Variants in NAV1 observed in about 807,000 individuals in gnomAD.
NAV1 encodes neuron navigator 1.
In NAV1, 18 loss-of-function variants were observed where a neutral mutation model predicts 175.2. That is an observed-to-expected ratio of 0.10 (90% CI 0.07 to 0.15). The LOEUF (loss-of-function observed/expected upper bound fraction) is 0.15, where lower values mean the gene tolerates loss of function less well. Ranked by LOEUF, NAV1 falls within the 10% of genes least tolerant of loss-of-function variation. The pLI is 1.00. For missense variants in NAV1, 1,731 were observed against 2,436.6 expected (o/e 0.71, Z 6.10); for synonymous variants, 897 against 978.7 (o/e 0.92, Z 1.56).
chr1:201,790,696 G>A (rs753418926), exon 13 of NAV1: 24 of 1,613,874 alleles, frequency 1.5e-5, no homozygotes, highest in East Asian at 4.5e-5. Flanking sequence ...CAGCAAATCC[G>A]GAAGCTTCGT....
At chr1:201,676,979 C>T (rs757317467) in intron 1 of NAV1, among the ~76,000 whole-genome samples, 2 of 152,050 alleles carry the variant, frequency 1.3e-5, no homozygotes, top group South Asian at 2.1e-4. Context: ...TGGTTGGGCG[C>T]GGTGGCTCAT....
chr1:201,656,843 C>T (rs561629107), intron 1 of NAV1, among the ~76,000 whole-genome samples: 74 of 152,302 alleles, frequency 4.9e-4, no homozygotes, highest in Non-Finnish European at 7.6e-4. Context: ...AGGCAGAGCC[C>T]GCTGGGGTTT....
intron 1 of NAV1, among the ~76,000 whole-genome samples, chr1:201,693,230 A>T (rs1450161799): frequency 6.6e-6 from 1 of 152,230 alleles, no homozygotes; most frequent in Non-Finnish European, 1.5e-5. Context: ...CTGAAGGCAG[A>T]TGGATGTGTA....
intron 28 of NAV1, among the ~76,000 whole-genome samples, chr1:201,814,586 G>A (rs1678904705): frequency 6.6e-6 from 1 of 151,906 alleles, no homozygotes; most frequent in Non-Finnish European, 1.5e-5. Context: ...GATATCTCCT[G>A]GTGATATAGT....
At chr1:201,604,717 A>G (rs77073128) in intron 2 of NAV1, among the ~76,000 whole-genome samples, 2,492 of 146,174 alleles carry the variant, frequency 0.017, 72 homozygotes, top group African/African-American at 0.058. Flanking sequence ...AAGAGAAAGG[A>G]AAGAAAGAGA....
In NAV1 at chr1:201,789,735, T is replaced by G. The variant is rs1403956341; in HGVS notation, c.3167-5T>G. The G allele has an allele frequency of 6.2e-7, 1 of 1,614,074 alleles. No individual in the cohort carries two copies. The highest frequency in any genetic ancestry group is 8.5e-7 in the Non-Finnish European group (1 of 1,179,948). Reference sequence around the variant, plus strand: ...TTAACTCTTTGTGTTCTCCTTCTCTTTCAGTTCACGGCTCAGTGCTGTCCC... The same window carrying G: ...TTAACTCTTTGTGTTCTCCTTCTCTGTCAGTTCACGGCTCAGTGCTGTCCC... On this transcript the variant is annotated splice_region_variant and splice_polypyrimidine_tract_variant and intron_variant, in intron 10 of 29. Transcript: ENST00000367296.
intron 3 of NAV1, among the ~76,000 whole-genome samples, chr1:201,755,968 G>A (rs1015919813): frequency 8.6e-5 from 13 of 151,966 alleles, no homozygotes; most frequent in African/African-American, 2.4e-4. Context: ...TTAGCTGGGC[G>A]TGGTGGTGCA....
At chr1:201,616,124 A>G (rs1168324689) in intron 2 of NAV1, among the ~76,000 whole-genome samples, 4 of 152,290 alleles carry the variant, frequency 2.6e-5, no homozygotes, top group African/African-American at 7.2e-5. Context: ...CTTCACAGCA[A>G]TCCTATGAGT....
At chr1:201,676,324 G>A (rs543590079) in intron 1 of NAV1, among the ~76,000 whole-genome samples, 1 of 152,304 alleles carries the variant, frequency 6.6e-6, no homozygotes, top group Non-Finnish European at 1.5e-5. Flanking sequence ...ACTTATTTCA[G>A]CCAGGCTGGG....
chr1:201,620,793 A>T (rs1026112711), upstream of NAV1, among the ~76,000 whole-genome samples: 2 of 151,660 alleles, frequency 1.3e-5, no homozygotes, highest in African/African-American at 4.8e-5. Context: ...TCTTACCAAC[A>T]CTGGATATTT....
chr1:201,758,544 A>G (rs898422511), intron 3 of NAV1, among the ~76,000 whole-genome samples: 7 of 152,148 alleles, frequency 4.6e-5, no homozygotes, highest in Admixed American at 4.6e-4. Flanking sequence ...TTTCTTTTTC[A>G]CAATTCTAAA....
At chr1:201,795,666 T>C (rs1044239360) in intron 15 of NAV1, 2 of 152,088 alleles carry the variant, frequency 1.3e-5, no homozygotes, top group African/African-American at 4.8e-5. Flanking sequence ...TCACCATCAT[T>C]CTACCAAAAA....
intron 1 of NAV1, among the ~76,000 whole-genome samples, chr1:201,550,369 G>A (rs1454732436): frequency 2.0e-5 from 3 of 152,070 alleles, no homozygotes; most frequent in Admixed American, 6.5e-5. Context: ...ATGGGGTCTC[G>A]CTATGTTGCC....
At chr1:201,542,811 C>G (rs538257228) in intron 1 of NAV1, among the ~76,000 whole-genome samples, 2 of 152,328 alleles carry the variant, frequency 1.3e-5, no homozygotes, top group South Asian at 4.1e-4. Context: ...TGCCAAGGAC[C>G]GTTACTAACA....
intron 1 of NAV1, among the ~76,000 whole-genome samples, chr1:201,587,322 ACT>A (rs751956386): frequency 4.6e-5 from 7 of 152,320 alleles, no homozygotes; most frequent in South Asian, 2.1e-4. Context: ...AAAGTGAATA[ACT>A]CAACTCAAAT....
rs868785824 is a variant in NAV1, at chr1:201,539,176, A to T, written c.-310A>T. Among the ~76,000 whole-genome samples the T allele has an allele frequency of 3.9e-5, 6 of 152,128 alleles. No individual in the cohort carries two copies. Among genetic ancestry groups the T allele is most frequent in the Non-Finnish European group, 5.9e-5 (4 of 67,992 alleles). ...GCCCTAGTGCGGGGCCCGAGGCTGG[A>T]GTGCGCGGCGGACGCCAAGCCTGGT... On this transcript the variant is annotated 5_prime_UTR_variant, in exon 1 of 34. Coordinates refer to the NAV1 transcript ENST00000685211. This position sits in a 1 kb window ranked among gnomAD's most constrained non-coding sequence, Gnocchi z 5.6.
chr1:201,658,538 G>A (rs532486677), intron 1 of NAV1, among the ~76,000 whole-genome samples: 62 of 152,288 alleles, frequency 4.1e-4, no homozygotes, highest in Non-Finnish European at 6.5e-4. Context: ...GTCCTGTCTG[G>A]CTTAGAGAGA....
intron 1 of NAV1, among the ~76,000 whole-genome samples, chr1:201,626,859 G>T (rs1668343823): frequency 6.6e-6 from 1 of 152,210 alleles, no homozygotes; most frequent in South Asian, 2.1e-4. Flanking sequence ...ACAGAGTGCT[G>T]TCCACTCAGG....
rs531236931 is a variant in NAV1, at chr1:201,599,728, G to A, written c.-33+11079G>A. ...TCTGATTCTCTTCAGCGCCACTCAC[G>A]CAATTGCTATAAAAGAGACCAGGCT... On this transcript the variant is annotated intron_variant, in intron 2 of 33. Coordinates refer to the NAV1 transcript ENST00000685211. 9.9e-5 allele frequency among the ~76,000 whole-genome samples: 15 copies of A among 152,230 alleles called. No individual in the cohort carries two copies. The South Asian group carries it at 2.7e-3, about 27-fold the overall frequency.
Sources: allele counts gnomAD v4.1 joint callset (sites outside exome capture counted in the v4.1 genomes callset), GRCh38; gene constraint gnomAD v4.1.1; non-coding constraint Gnocchi (gnomAD v3.1); transcripts MANE v1.5; gene names NCBI Gene and HGNC (gene_info 2026-07-23, HGNC 2026-07-21).